Variants in PDGFD observed in about 807,000 individuals in gnomAD.
PDGFD encodes the protein platelet derived growth factor D.
A neutral mutation model predicts 44.7 loss-of-function variants in PDGFD; 30 were observed. The ratio of observed to expected loss-of-function variants is 0.67; its 90% CI spans 0.50 to 0.91. PDGFD has a LOEUF of 0.91. Among genes scored for constraint, PDGFD ranks in the 40% least tolerant of loss-of-function variants. PDGFD has a pLI of 0.00. For synonymous variants in PDGFD, 173 were observed against 168.4 expected (o/e 1.03, Z -0.21); for missense variants, 445 against 457.8 (o/e 0.97, Z 0.25).
intron 1 of PDGFD, among the ~76,000 whole-genome samples, chr11:104,011,304 T>C (rs916112918): frequency 3.3e-5 from 5 of 152,096 alleles, no homozygotes; most frequent in African/African-American, 1.2e-4. Context: ...GTTTATCACT[T>C]GTGATGTATA....
At chr11:104,041,247 G>T (rs115025135) in intron 1 of PDGFD, among the ~76,000 whole-genome samples, 1 of 151,992 alleles carries the variant, frequency 6.6e-6, no homozygotes, top group African/African-American at 2.4e-5. Flanking sequence ...ACCTTGTGGG[G>T]GTAGAAGACA....
chr11:104,157,437 A>G (rs1198845896), intron 1 of PDGFD, among the ~76,000 whole-genome samples: 1 of 152,142 alleles, frequency 6.6e-6, no homozygotes, highest in Admixed American at 6.5e-5. Context: ...TCAATGGCTT[A>G]CCACAGCTCT....
In PDGFD at chr11:103,943,505, T is replaced by C; in HGVS notation, c.719A>G (p.Tyr240Cys). 5 of 1,613,302 alleles carry C rather than the reference T, an allele frequency of 3.1e-6. No homozygotes were observed. The highest frequency in any genetic ancestry group is 4.2e-6 in the Non-Finnish European group (5 of 1,179,598). The change falls in exon 5 of 7, where the codon TAT becomes TGT. Residue 240 changes from tyrosine (Y) to cysteine (C), a missense_variant. Physicochemically the swap from Tyr to Cys is radical, Grantham distance 194. Transcript: ENST00000393158. ...GCCTCGATACCGAGGGGTGTCCAGA[T>C]ACATATTCTCAAGATCTTCTTGCCA... ...ESWQEDLENMYLDTPRYRGRS... is the reference protein window; with the variant it reads ...ESWQEDLENMCLDTPRYRGRS...
At chr11:104,092,494 A>G (rs894074027) in intron 1 of PDGFD, among the ~76,000 whole-genome samples, 1 of 152,102 alleles carries the variant, frequency 6.6e-6, no homozygotes, top group Non-Finnish European at 1.5e-5. Flanking sequence ...AATATGACCC[A>G]CTGCTTTTAC....
At chr11:104,091,375 G>A (rs975124122) in intron 1 of PDGFD, among the ~76,000 whole-genome samples, 1 of 152,034 alleles carries the variant, frequency 6.6e-6, no homozygotes, top group Middle Eastern at 3.4e-3. Context: ...TGCCCCCTTC[G>A]TTCAATACAT....
chr11:104,067,904 A>T (rs554051589), intron 1 of PDGFD, among the ~76,000 whole-genome samples: 2 of 152,238 alleles, frequency 1.3e-5, no homozygotes, highest in South Asian at 4.1e-4. Flanking sequence ...CTTTTGCTTT[A>T]TTTCTTTGGT....
At chr11:104,033,861 A>G (rs1163862843) in intron 1 of PDGFD, among the ~76,000 whole-genome samples, 1 of 152,162 alleles carries the variant, frequency 6.6e-6, no homozygotes, top group Non-Finnish European at 1.5e-5. Context: ...TCTCTGATAA[A>G]CTTGTCAGGG....
At chr11:104,028,549 C>T (rs963891586) in intron 1 of PDGFD, among the ~76,000 whole-genome samples, 5 of 150,678 alleles carry the variant, frequency 3.3e-5, no homozygotes, top group Non-Finnish European at 7.4e-5. Flanking sequence ...TCAGAAACGT[C>T]AACTACAGTG....
At chr11:103,941,365 T>G (rs1858581598) in intron 5 of PDGFD, among the ~76,000 whole-genome samples, 1 of 152,098 alleles carries the variant, frequency 6.6e-6, no homozygotes, top group African/African-American at 2.4e-5. Flanking sequence ...AATGAGGTGG[T>G]GTCTTAAGTG....
At chr11:104,144,800 T>C (rs1038036235) in intron 1 of PDGFD, among the ~76,000 whole-genome samples, 1 of 152,198 alleles carries the variant, frequency 6.6e-6, no homozygotes, top group African/African-American at 2.4e-5. Flanking sequence ...GGGAAGTTAC[T>C]GCACCTTTCT....
chr11:104,137,443 A>G (rs1183968130), intron 1 of PDGFD, among the ~76,000 whole-genome samples: 1 of 152,196 alleles, frequency 6.6e-6, no homozygotes, highest in African/African-American at 2.4e-5. Context: ...ATATTGACCA[A>G]AGCTGAAATC....
At chr11:104,022,126 T>A (rs560104994) in intron 1 of PDGFD, among the ~76,000 whole-genome samples, 1 of 152,180 alleles carries the variant, frequency 6.6e-6, no homozygotes, top group Admixed American at 6.6e-5. Context: ...ATTTTAATTA[T>A]TCACGAAAGA....
chr11:104,053,367 T>C (rs979063166), intron 1 of PDGFD, among the ~76,000 whole-genome samples: 1 of 152,236 alleles, frequency 6.6e-6, no homozygotes, highest in Non-Finnish European at 1.5e-5. Context: ...TTTGCATGTG[T>C]GTATCTTTTC....
intron 1 of PDGFD, among the ~76,000 whole-genome samples, chr11:104,041,267 C>T (rs17422079): frequency 0.073 from 11,109 of 151,868 alleles, 387 homozygotes; most frequent in Middle Eastern, 0.1. Flanking sequence ...AGACTTGTAA[C>T]CAACTAAGAG....
intron 1 of PDGFD, among the ~76,000 whole-genome samples, chr11:104,152,415 T>C (rs910656983): frequency 6.6e-6 from 1 of 152,168 alleles, no homozygotes; most frequent in East Asian, 1.9e-4. Context: ...TAACATGTAG[T>C]GTAAACATAT....
At chr11:104,088,172 C>G (rs1861161828) in intron 1 of PDGFD, among the ~76,000 whole-genome samples, 1 of 152,224 alleles carries the variant, frequency 6.6e-6, no homozygotes, top group South Asian at 2.1e-4. Context: ...TGGTTTCTCT[C>G]TGTGCCACCT....
At position 103,915,361 on chromosome 11, in the gene PDGFD, A is replaced by T. The variant is rs375791679; in HGVS notation, c.988-5542T>A. On this transcript the variant is annotated intron_variant, in intron 6 of 6. Transcript: ENST00000393158. The stretch of plus-strand genomic sequence containing the variant: ...TCTCATTCACAATTGCTACAAAGAG[A>T]ATAAAATACCTAGGAATACAACTTA... Among the ~76,000 whole-genome samples, 15 of 152,314 alleles carry T rather than the reference A, an allele frequency of 9.8e-5. No individual in the cohort carries two copies. The East Asian group carries it at 2.1e-3, about 22-fold the overall frequency.
At chr11:104,108,988 G>A (rs1591167867) in intron 1 of PDGFD, among the ~76,000 whole-genome samples, 1 of 150,776 alleles carries the variant, frequency 6.6e-6, no homozygotes, top group African/African-American at 2.4e-5. Flanking sequence ...ACTCATAGGT[G>A]GGAATTGAAC....
intron 6 of PDGFD, among the ~76,000 whole-genome samples, chr11:103,926,521 T>C (rs1325142445): frequency 2.0e-5 from 3 of 152,220 alleles, no homozygotes; most frequent in African/African-American, 7.2e-5. Flanking sequence ...TTAAATGATA[T>C]AATTGAATTA....
Sources: gnomAD v4.1 joint callset for allele counts (sites outside exome capture counted in the v4.1 genomes callset) on GRCh38, gnomAD v4.1.1 for gene constraint, MANE v1.5 for transcripts, NCBI Gene and HGNC (gene_info 2026-07-23, HGNC 2026-07-21) for gene names.